CYTH1: variants seen among roughly 807,000 people sequenced by gnomAD.
The protein encoded by CYTH1 is cytohesin 1.
CYTH1 carries 18 observed loss-of-function variants against 61.8 expected under a neutral mutation model. The ratio of observed to expected loss-of-function variants is 0.29; its 90% CI spans 0.20 to 0.43. CYTH1 has a LOEUF of 0.43. CYTH1 is among the 20% of genes least tolerant of loss of function. The pLI is 1.00. For synonymous variants in CYTH1, 174 were observed against 184.3 expected, an observed-to-expected ratio of 0.94 and a Z score of 0.45; for missense variants, 336 against 510.5, an observed-to-expected ratio of 0.66 and a Z score of 3.29.
chr17:78,719,747 G>A (rs561686515), intron 1 of CYTH1, among the ~76,000 whole-genome samples: 16 of 152,308 alleles, frequency 1.1e-4, no homozygotes, highest in South Asian at 1.0e-3. Context: ...TAGGATCAGA[G>A]GATGAAGAAA....
chr17:78,702,270 T>C, intron 4 of CYTH1, 30 bp from the exon 5 acceptor site: 1 of 1,562,626 alleles, frequency 6.4e-7, no homozygotes, highest in Non-Finnish European at 8.8e-7. Flanking sequence ...ACGCCAATGA[T>C]GCTTTGCTGG....
rs781399735 is a variant in CYTH1, at chr17:78,782,190, G to A, written c.22+12C>T. 3 of 1,366,932 alleles carry A rather than the reference G, an allele frequency of 2.2e-6. No homozygotes were observed. Among genetic ancestry groups the A allele is most frequent in the Non-Finnish European group, 2.9e-6 (3 of 1,045,518 alleles). The allele number at this position is 1,366,932 out of a possible 1,614,324, so 84.7% of individuals were successfully genotyped here. On this transcript the variant is annotated intron_variant, in intron 1 of 13. Transcript: ENST00000446868. ...AGCGAGGGGGAAGCGTCCGCCGCCGGGGCGCACTGACCGTAGCTGTCGTCC... is the reference window on the plus strand; with the variant it reads ...AGCGAGGGGGAAGCGTCCGCCGCCGAGGCGCACTGACCGTAGCTGTCGTCC...
At chr17:78,718,535 G>A (rs957607986) in intron 1 of CYTH1, among the ~76,000 whole-genome samples, 2 of 152,066 alleles carry the variant, frequency 1.3e-5, no homozygotes, top group Admixed American at 6.6e-5. Context: ...GCACTTACTC[G>A]CCACATACCT....
At chr17:78,699,575 C>A (rs2092986914) in intron 7 of CYTH1, among the ~76,000 whole-genome samples, 1 of 152,128 alleles carries the variant, frequency 6.6e-6, no homozygotes, top group Non-Finnish European at 1.5e-5. Context: ...ACAAAATGAC[C>A]TGTAATGACC....
At chr17:78,777,380 T>C (rs1361768556) in intron 1 of CYTH1, among the ~76,000 whole-genome samples, 1 of 152,108 alleles carries the variant, frequency 6.6e-6, no homozygotes. Flanking sequence ...ATTGCGCCAC[T>C]GCACTCTAGC....
chr17:78,676,662 G>T, intron 13 of CYTH1: 1 of 297,372 alleles, frequency 3.4e-6, no homozygotes, highest in Non-Finnish European at 6.5e-6. Flanking sequence ...AAGGCTCCAT[G>T]ACTCTGCAGG....
chr17:78,708,042 T>C (rs1046473442), intron 3 of CYTH1, among the ~76,000 whole-genome samples, 155 bp downstream of exon 3: 3 of 152,178 alleles, frequency 2.0e-5, no homozygotes, highest in Admixed American at 1.3e-4. Context: ...CGGTGAAGGA[T>C]GGAAGGCAGA....
intron 1 of CYTH1, among the ~76,000 whole-genome samples, chr17:78,749,827 T>C (rs1468198054): frequency 6.6e-6 from 1 of 152,086 alleles, no homozygotes. Flanking sequence ...TGTTCAGATG[T>C]TTCTCTGCCC....
intron 1 of CYTH1, among the ~76,000 whole-genome samples, chr17:78,760,384 TACACACACATAC>T (rs1298253330): frequency 0.018 from 928 of 51,244 alleles, 110 homozygotes; most frequent in Non-Finnish European, 0.02. Context: ...TATATATATA[TACACACACATAC>T]ATATATATAT....
intron 1 of CYTH1, among the ~76,000 whole-genome samples, chr17:78,735,348 C>T (rs1457178648): frequency 6.6e-6 from 1 of 152,206 alleles, no homozygotes; most frequent in Non-Finnish European, 1.5e-5. Flanking sequence ...CGTGAGGGAC[C>T]ATGGCCAGGC....
rs960291823 is a variant in CYTH1, at chr17:78,702,575, G to A, written c.200C>T (p.Ala67Val). The change falls in exon 4 of 14, where the codon GCC becomes GTC. Residue 67 changes from alanine to valine, a missense_variant. Ala to Val is a moderately conservative substitution (Grantham distance 64, BLOSUM62 0). Around this residue, in one of 4 missense-constraint regions of CYTH1, gnomAD observed 112 missense variants for 127.1 expected, o/e 0.88. Coordinates refer to ENST00000446868, the MANE Select transcript of CYTH1 (RefSeq NM_004762.6). Reference sequence around the variant, plus strand: ...CATATTAAATTTTTTCCTGCCCATGGCTACCTGTTTGTTCCTCTGCATGTT... The same window carrying A: ...CATATTAAATTTTTTCCTGCCCATGACTACCTGTTTGTTCCTCTGCATGTT... Reference protein sequence around the residue: ...RKNMQRNKQVAMGRKKFNMDP... With the variant: ...RKNMQRNKQVVMGRKKFNMDP... The A allele has an allele frequency of 1.9e-6, 3 of 1,614,012 alleles. No homozygotes were observed. Among genetic ancestry groups the A allele is most frequent in the Non-Finnish European group, 2.5e-6 (3 of 1,180,022 alleles).
chr17:78,780,966 C>T (rs780100839), intron 1 of CYTH1, among the ~76,000 whole-genome samples: 12 of 151,926 alleles, frequency 7.9e-5, no homozygotes, highest in Admixed American at 5.3e-4. Context: ...GCCGAGATGG[C>T]GCCACTGCAC....
At chr17:78,761,191 C>T (rs2093427292) in intron 1 of CYTH1, among the ~76,000 whole-genome samples, 1 of 152,178 alleles carries the variant, frequency 6.6e-6, no homozygotes, top group African/African-American at 2.4e-5. Flanking sequence ...CTTGTGCACA[C>T]ATTCTGGTAC....
At chr17:78,681,680 G>T (rs770059046) in intron 11 of CYTH1, among the ~76,000 whole-genome samples, 12 of 152,054 alleles carry the variant, frequency 7.9e-5, no homozygotes, top group Non-Finnish European at 1.3e-4. Context: ...CAGTTTCACA[G>T]TCCCCTGATA....
intron 1 of CYTH1, among the ~76,000 whole-genome samples, chr17:78,732,799 G>C (rs1329453991): frequency 6.6e-6 from 1 of 151,952 alleles, no homozygotes; most frequent in Non-Finnish European, 1.5e-5. Flanking sequence ...ATTAAAACAT[G>C]GGATAACCAC....
chr17:78,775,447 A>G (rs1410408501), intron 1 of CYTH1, among the ~76,000 whole-genome samples: 1 of 152,222 alleles, frequency 6.6e-6, no homozygotes, highest in African/African-American at 2.4e-5. Context: ...CGAATGAACA[A>G]CTTTCTTGAA....
intron 11 of CYTH1, chr17:78,691,557 A>C (rs1424523957): frequency 6.6e-6 from 1 of 152,220 alleles, no homozygotes; most frequent in Admixed American, 6.5e-5. Context: ...CTCCATGAAG[A>C]TACACTTGGA....
intron 11 of CYTH1, among the ~76,000 whole-genome samples, chr17:78,690,996 G>A (rs895720282): frequency 2.6e-5 from 4 of 152,148 alleles, no homozygotes; most frequent in African/African-American, 9.7e-5. Flanking sequence ...TAGGGCAGAA[G>A]GGTGAACAAA....
At chr17:78,676,271 C>G in intron 13 of CYTH1, 102 bp from the exon 14 acceptor site, 1 of 1,106,412 alleles carries the variant, frequency 9.0e-7, no homozygotes, top group Non-Finnish European at 1.3e-6. Flanking sequence ...CCCAGAACAC[C>G]TGTCCCACCC....
Sources: gnomAD v4.1 joint callset for allele counts (sites outside exome capture counted in the v4.1 genomes callset) on GRCh38, gnomAD v4.1.1 for gene constraint, gnomAD v4.1.1 regional missense constraint, MANE v1.5 for transcripts, NCBI Gene and HGNC (gene_info 2026-07-23, HGNC 2026-07-21) for gene names.